HDAC9: variants seen among roughly 807,000 people sequenced by gnomAD.
The protein encoded by HDAC9 is MEF-2 interacting transcription repressor (MITR) protein.
A neutral mutation model predicts 139.4 loss-of-function variants in HDAC9; 41 were observed. The observed-to-expected ratio is 0.29, with a 90% CI of 0.23 to 0.38. HDAC9 has a LOEUF of 0.38. Ranked by LOEUF, HDAC9 falls within the 10% of genes least tolerant of loss-of-function variation. The pLI, the probability that HDAC9 is intolerant of heterozygous loss-of-function variation, is 1.00. For missense variants in HDAC9, 1,147 were observed against 1,297.0 expected (o/e 0.88, Z 1.78); for synonymous variants, 517 against 476.2 (o/e 1.09, Z -1.12).
intron 7 of HDAC9, among the ~76,000 whole-genome samples, chr7:18,630,415 CT>C (rs1781987439): frequency 6.6e-6 from 1 of 151,878 alleles, no homozygotes; most frequent in African/African-American, 2.4e-5. Context: ...CTGTATAACT[CT>C]TTTGGCCATG....
rs146683441 is a variant in HDAC9, at chr7:18,141,098, A to C, written c.-96-21131A>C. Reference sequence around the variant, plus strand: ...AAGCCACACTAGACTTTAAAATTGAACTGAGGGCCCTGCTGAAGCACAGCT... The same window carrying C: ...AAGCCACACTAGACTTTAAAATTGACCTGAGGGCCCTGCTGAAGCACAGCT... On this transcript the variant is annotated intron_variant, in intron 1 of 12. Coordinates refer to the HDAC9 transcript ENST00000417496. Among the ~76,000 whole-genome samples the C allele has an allele frequency of 3.3e-3, 503 of 152,270 alleles. 1 individual carries two copies. The highest frequency in any genetic ancestry group is 0.012 in the African/African-American group (482 of 41,548).
intron 1 of HDAC9, among the ~76,000 whole-genome samples, chr7:18,298,280 G>GT (rs869168141): frequency 3.7e-4 from 53 of 144,774 alleles, no homozygotes; most frequent in Non-Finnish European, 6.0e-4. Context: ...ACATTTTTAT[G>GT]TTTTTTTTTT....
At chr7:18,833,975 G>A (rs1490426806) in intron 19 of HDAC9, among the ~76,000 whole-genome samples, 1 of 152,186 alleles carries the variant, frequency 6.6e-6, no homozygotes, top group Non-Finnish European at 1.5e-5. Flanking sequence ...GGATCAAACA[G>A]ATTATGAATG....
intron 24 of HDAC9, among the ~76,000 whole-genome samples, chr7:18,955,174 TGG>T (rs1783062887): frequency 6.6e-6 from 1 of 152,086 alleles, no homozygotes; most frequent in African/African-American, 2.4e-5. Context: ...CTTCAAATGC[TGG>T]GGTGCACTAT....
At chr7:18,178,623 T>C (rs971685905) in intron 2 of HDAC9, among the ~76,000 whole-genome samples, 2 of 152,218 alleles carry the variant, frequency 1.3e-5, no homozygotes, top group Non-Finnish European at 2.9e-5. Context: ...AAAACAAATA[T>C]GTATTGTGGT....
At chr7:18,783,079 T>G (rs940376556) in intron 16 of HDAC9, among the ~76,000 whole-genome samples, 1 of 152,060 alleles carries the variant, frequency 6.6e-6, no homozygotes, top group Non-Finnish European at 1.5e-5. Context: ...GCCTAACAAT[T>G]TCTCGAAATC....
chr7:18,958,777 C>T lies in HDAC9; in HGVS notation c.3022+4547C>T, dbSNP rs535957133. On this transcript the variant is annotated intron_variant, in intron 24 of 25. Transcript: ENST00000686413. ...AACCTCACATATTTATACTCCTTGGCACACTCATGCAGAATGAGGGATTAA... is the reference window on the plus strand; with the variant it reads ...AACCTCACATATTTATACTCCTTGGTACACTCATGCAGAATGAGGGATTAA... Among the ~76,000 whole-genome samples the T allele has an allele frequency of 6.6e-5, 10 of 152,268 alleles. No homozygotes were observed. The South Asian group carries it at 1.9e-3, about 28-fold the overall frequency.
chr7:18,550,912 C>T (rs1586949446), intron 2 of HDAC9, among the ~76,000 whole-genome samples: 2 of 152,168 alleles, frequency 1.3e-5, no homozygotes, highest in African/African-American at 2.4e-5. Context: ...CAGAAGACCA[C>T]ATGATCTCAA....
intron 13 of HDAC9, among the ~76,000 whole-genome samples, chr7:18,740,683 A>G (rs1228320910): frequency 6.6e-6 from 1 of 152,190 alleles, no homozygotes; most frequent in South Asian, 2.1e-4. Context: ...CATGTCTCCC[A>G]ATTTCAATCA....
intron 25 of HDAC9, among the ~76,000 whole-genome samples, chr7:18,987,550 A>T (rs548286201): frequency 5.9e-5 from 9 of 152,146 alleles, no homozygotes; most frequent in African/African-American, 1.9e-4. Context: ...TGTCTCTGCC[A>T]GGCTTTGGTA....
intron 1 of HDAC9, among the ~76,000 whole-genome samples, chr7:18,456,587 A>G (rs1255826947): frequency 2.0e-5 from 3 of 152,172 alleles, no homozygotes; most frequent in African/African-American, 7.2e-5. Context: ...CATATGATTT[A>G]TGAACCTGAA....
At chr7:18,796,770 CAT>C (rs1006359666) in intron 17 of HDAC9, among the ~76,000 whole-genome samples, 4 of 151,992 alleles carry the variant, frequency 2.6e-5, no homozygotes, top group Non-Finnish European at 5.9e-5. Context: ...ATGTCAAAGA[CAT>C]AGAAATAGCT....
At chr7:18,172,323 A>G (rs958153471) in intron 2 of HDAC9, among the ~76,000 whole-genome samples, 2 of 152,020 alleles carry the variant, frequency 1.3e-5, no homozygotes, top group Non-Finnish European at 2.9e-5. Flanking sequence ...GATTGCGTCT[A>G]TTTGATTCTT....
rs998508207 is a variant in HDAC9 at position 18,563,051 on chromosome 7, C to A, written c.23-22230C>A. ...ATTTATTTTGGTTGTATTTACTGAT[C>A]AAATTTTCCAAGATTTCATAAATAT... On this transcript the variant is annotated intron_variant, in intron 2 of 25. Coordinates refer to ENST00000686413, the MANE Select transcript of HDAC9 (RefSeq NM_178425.4). Among the ~76,000 whole-genome samples, 8 of 152,044 alleles carry A rather than the reference C, an allele frequency of 5.3e-5. No individual in the cohort carries two copies. In the East Asian group the frequency reaches 1.5e-3, roughly 29 times the overall value.
intron 3 of HDAC9, among the ~76,000 whole-genome samples, chr7:18,589,128 A>T (rs1830253307): frequency 6.6e-6 from 1 of 152,072 alleles, no homozygotes; most frequent in African/African-American, 2.4e-5. Flanking sequence ...CCTAAGGAGA[A>T]CTCAAGGTCT....
At chr7:18,814,349 G>A (rs2520353) in intron 17 of HDAC9, among the ~76,000 whole-genome samples, 4,398 of 152,178 alleles carry the variant, frequency 0.029, 227 homozygotes, top group African/African-American at 0.1. Context: ...TAAAATGAAA[G>A]ATATCTTCCA....
At chr7:18,288,151 A>T (rs1797575260), upstream of HDAC9, among the ~76,000 whole-genome samples, 1 of 152,226 alleles carries the variant, frequency 6.6e-6, no homozygotes, top group Admixed American at 6.5e-5. Context: ...ATGGTATTTG[A>T]ATAACCAACA....
At chr7:18,696,719 C>T (rs1416111702) in intron 12 of HDAC9, among the ~76,000 whole-genome samples, 2 of 152,096 alleles carry the variant, frequency 1.3e-5, no homozygotes, top group Admixed American at 6.5e-5. Context: ...CAGCCCACCT[C>T]GGCCTCCCAA....
chr7:18,758,224 T>G (rs1411478785), intron 14 of HDAC9, among the ~76,000 whole-genome samples: 2 of 152,214 alleles, frequency 1.3e-5, no homozygotes, highest in Non-Finnish European at 2.9e-5. Context: ...CCATTCCTTA[T>G]TTGCATTGTG....
Sources: allele counts gnomAD v4.1 joint callset (sites outside exome capture counted in the v4.1 genomes callset), GRCh38; gene constraint gnomAD v4.1.1; transcripts MANE v1.5; gene names NCBI Gene and HGNC (gene_info 2026-07-23, HGNC 2026-07-21).